JPH3: variants seen among roughly 807,000 people sequenced by gnomAD.
JPH3 encodes junctophilin 3.
JPH3 carries 11 observed loss-of-function variants against 59.6 expected under a neutral mutation model. That is an observed-to-expected ratio of 0.18 (90% CI 0.12 to 0.31). The LOEUF is 0.31. JPH3 is among the 10% of genes least tolerant of loss of function. The pLI, the probability that JPH3 is intolerant of heterozygous loss-of-function variation, is 1.00. For synonymous variants in JPH3, 673 were observed against 483.6 expected (o/e 1.39, Z -5.14); for missense variants, 1,202 against 1,105.7 (o/e 1.09, Z -1.24).
chr16:87,675,298 G>A (rs377448072), intron 2 of JPH3, among the ~76,000 whole-genome samples: 10 of 149,468 alleles, frequency 6.7e-5, no homozygotes, highest in South Asian at 2.2e-4. Context: ...CCTCAGCCAC[G>A]CCTGCTTCCT....
chr16:87,664,175 T>C (rs8048295), intron 2 of JPH3, among the ~76,000 whole-genome samples: 10,075 of 151,528 alleles, frequency 0.066, 1,139 homozygotes, highest in African/African-American at 0.23. Context: ...ACTAAAAATA[T>C]AAAAAATTAG....
intron 2 of JPH3, among the ~76,000 whole-genome samples, chr16:87,665,995 G>C (rs1192587739): frequency 6.6e-6 from 1 of 152,238 alleles, no homozygotes; most frequent in African/African-American, 2.4e-5. Flanking sequence ...AGGGTGTGCA[G>C]AGGCCCGCTC....
chr16:87,627,428 C>T (rs568188477), intron 1 of JPH3, among the ~76,000 whole-genome samples: 32 of 152,346 alleles, frequency 2.1e-4, no homozygotes, highest in Non-Finnish European at 1.5e-4. Context: ...ACTGAGACCA[C>T]CCATGGATTT....
intron 2 of JPH3, among the ~76,000 whole-genome samples, chr16:87,661,745 C>A (rs754355023): frequency 4.6e-5 from 7 of 152,340 alleles, no homozygotes; most frequent in African/African-American, 1.7e-4. Flanking sequence ...CAGGCCGCCA[C>A]GGGGCGGGGA....
At chr16:87,634,447 C>A (rs1265922949) in intron 1 of JPH3, among the ~76,000 whole-genome samples, 1 of 152,236 alleles carries the variant, frequency 6.6e-6, no homozygotes, top group Non-Finnish European at 1.5e-5. Flanking sequence ...TCTGAGTTCC[C>A]TCAGGGTGGA....
intron 2 of JPH3, chr16:87,654,868 C>G (rs1229890996): frequency 6.6e-6 from 1 of 152,300 alleles, no homozygotes; most frequent in Non-Finnish European, 1.5e-5. Context: ...AGCGACCACT[C>G]GGCCCGGCGT....
Position 87,662,318 on chromosome 16 carries a change from G to A in JPH3, c.1160+17283G>A, listed in dbSNP as rs887095492. 9.2e-5 allele frequency among the ~76,000 whole-genome samples: 14 copies of A among 152,282 alleles called. No homozygotes were observed. The Middle Eastern group carries it at 0.01, about 111-fold the overall frequency. ...TGTCGATGTTTAAGGGTCAGTGGGC[G>A]CCGAATGAATGGTTTCTGTCAGCAG... On this transcript the variant is annotated intron_variant, in intron 2 of 4. Transcript: ENST00000284262.
chr16:87,605,546 C>T (rs909885043), intron 1 of JPH3, among the ~76,000 whole-genome samples: 2 of 152,204 alleles, frequency 1.3e-5, no homozygotes, highest in African/African-American at 2.4e-5. Context: ...GGATCTGATT[C>T]TGTGGCTGGC....
chr16:87,691,244 G>GGGAC (rs2033565655), intron 4 of JPH3, among the ~76,000 whole-genome samples: 3 of 151,178 alleles, frequency 2.0e-5, no homozygotes, highest in Admixed American at 1.3e-4. Context: ...TCCCCTTGAA[G>GGGAC]GGACCTTCAC....
chr16:87,633,775 G>A (rs2031641329), intron 1 of JPH3, among the ~76,000 whole-genome samples: 1 of 152,034 alleles, frequency 6.6e-6, no homozygotes, highest in Admixed American at 6.6e-5. Flanking sequence ...TCCAGCCTGG[G>A]CGACAGAATG....
chr16:87,630,969 G>C (rs965986823), intron 1 of JPH3, among the ~76,000 whole-genome samples: 1 of 152,202 alleles, frequency 6.6e-6, no homozygotes, highest in African/African-American at 2.4e-5. Context: ...AATGGAGTCT[G>C]ATTCTGTACA....
chr16:87,612,705 A>G (rs1434264673), intron 1 of JPH3, among the ~76,000 whole-genome samples: 1 of 152,140 alleles, frequency 6.6e-6, no homozygotes, highest in African/African-American at 2.4e-5. Context: ...GGTTCATGAA[A>G]TTAATATAGT....
intron 2 of JPH3, among the ~76,000 whole-genome samples, chr16:87,649,920 T>C (rs2032277345): frequency 6.6e-6 from 1 of 152,232 alleles, no homozygotes. Context: ...TGGGATTGTT[T>C]CTGCTGGGAC....
rs1369020569 is a variant in JPH3 at position 87,650,762 on chromosome 16, G to A, written c.1160+5727G>A. Among the ~76,000 whole-genome samples the A allele has an allele frequency of 3.3e-5, 5 of 152,224 alleles. No homozygotes were observed. The East Asian group carries it at 5.8e-4, about 18-fold the overall frequency. On this transcript the variant is annotated intron_variant, in intron 2 of 4. Coordinates refer to ENST00000284262, the MANE Select transcript of JPH3 (RefSeq NM_020655.4). ...GCTCAACTCTAATGCTGTGAAGGCT[G>A]AGAGAGGTGAGGAAGCTGCAGAAGA...
At chr16:87,616,190 TTGTG>T (rs56053716) in intron 1 of JPH3, among the ~76,000 whole-genome samples, 4,023 of 115,860 alleles carry the variant, frequency 0.035, 83 homozygotes, top group South Asian at 0.061. Flanking sequence ...CAATCTGGTT[TTGTG>T]TGTGTGTGTG....
chr16:87,683,723 C>T (rs764982258), intron 2 of JPH3, among the ~76,000 whole-genome samples: 4 of 152,236 alleles, frequency 2.6e-5, no homozygotes, highest in African/African-American at 9.6e-5. Flanking sequence ...CCTCCTGCCT[C>T]AGTGTCCCGA....
At chr16:87,646,763 C>T (rs1024795812) in intron 2 of JPH3, among the ~76,000 whole-genome samples, 1 of 152,092 alleles carries the variant, frequency 6.6e-6, no homozygotes, top group Non-Finnish European at 1.5e-5. Context: ...TGGCAGCTTC[C>T]GTGTGACCTG....
chr16:87,628,482 T>C (rs1350883667), intron 1 of JPH3, among the ~76,000 whole-genome samples: 1 of 152,234 alleles, frequency 6.6e-6, no homozygotes, highest in Non-Finnish European at 1.5e-5. Context: ...GTGATGGCCT[T>C]GCCTGCTCTG....
intron 1 of JPH3, among the ~76,000 whole-genome samples, chr16:87,634,377 C>T (rs2031664397): frequency 6.6e-6 from 1 of 152,262 alleles, no homozygotes; most frequent in African/African-American, 2.4e-5. Context: ...CGATATGGGC[C>T]AGCCTGAGGG....
Sources: gnomAD v4.1 joint callset for allele counts (sites outside exome capture counted in the v4.1 genomes callset) on GRCh38, gnomAD v4.1.1 for gene constraint, MANE v1.5 for transcripts, NCBI Gene and HGNC (gene_info 2026-07-23, HGNC 2026-07-21) for gene names.